The following TFAM variants were observed in gnomAD, a reference collection of about 807,000 sequenced individuals.
TFAM encodes the protein transcription factor A, mitochondrial, also known as mitochondrial transcription factor 1.
TFAM carries 13 observed loss-of-function variants against 30.6 expected under a neutral mutation model. The observed-to-expected ratio is 0.42, with a 90% CI of 0.28 to 0.67. The LOEUF (loss-of-function observed/expected upper bound fraction) is 0.67. Ranked by LOEUF, TFAM falls within the 30% of genes least tolerant of loss-of-function variation. The pLI is 0.21. For missense variants in TFAM, 231 were observed against 293.7 expected, an observed-to-expected ratio of 0.79 and a Z score of 1.56; for synonymous variants, 106 against 94.8, an observed-to-expected ratio of 1.12 and a Z score of -0.69.
Position 58,395,080 on chromosome 10 carries a change from G to T in TFAM, c.*6G>T. On this transcript the variant is annotated 3_prime_UTR_variant, in exon 7 of 7. Coordinates refer to ENST00000487519, the MANE Select transcript of TFAM (RefSeq NM_003201.3). Reference sequence around the variant, plus strand: ...ATGGTGCTGAGGAGTGTTAAAAGTAGAAGATTGAGATGTGTTCACAATGGA... The same window carrying T: ...ATGGTGCTGAGGAGTGTTAAAAGTATAAGATTGAGATGTGTTCACAATGGA... 3.1e-6 allele frequency: 5 copies of T among 1,613,026 alleles called. No individual in the cohort carries two copies. Among genetic ancestry groups the T allele is most frequent in the Non-Finnish European group, 4.2e-6 (5 of 1,179,292 alleles).
Position 58,398,468 on chromosome 10 carries a change from T to C in TFAM, c.*3394T>C, listed in dbSNP as rs1741018965. Reference sequence around the variant, plus strand: ...TTTCTGATGTTTGCTTAAATAATACTGTGTACGTATTCAGCTTGCTGTAAT... The same window carrying C: ...TTTCTGATGTTTGCTTAAATAATACCGTGTACGTATTCAGCTTGCTGTAAT... On this transcript the variant is annotated 3_prime_UTR_variant, in exon 7 of 7. Coordinates refer to ENST00000487519, the MANE Select transcript of TFAM (RefSeq NM_003201.3). 1 of 152,224 alleles carries C rather than the reference T, an allele frequency of 6.6e-6. No individual in the cohort carries two copies. The highest frequency in any genetic ancestry group is 2.1e-4 in the South Asian group (1 of 4,838). 9.4% of individuals were successfully genotyped at this position (152,224 alleles called of 1,614,324 possible). A position where few individuals can be genotyped will look rare whatever the true frequency, so the allele number is the denominator to read the frequency against.
rs1419132681 is a variant in TFAM, at chr10:58,396,275, T to C, written c.*1201T>C. ...ATTTATCAACCCATGGTCTATAGTA[T>C]AGTGTGATATGACTACTGTTCCAAT... On this transcript the variant is annotated 3_prime_UTR_variant, in exon 7 of 7. Transcript: ENST00000487519. The C allele has an allele frequency of 1.3e-5, 2 of 152,216 alleles. No individual in the cohort carries two copies. The highest frequency in any genetic ancestry group is 2.4e-5 in the African/African-American group (1 of 41,452). 9.4% of individuals were successfully genotyped at this position (152,216 alleles called of 1,614,324 possible). A position where few individuals can be genotyped will look rare whatever the true frequency, so the allele number is the denominator to read the frequency against.
chr10:58,392,452 T>TA (rs71033609), intron 5 of TFAM, among the ~76,000 whole-genome samples: 151,872 of 151,886 alleles, frequency 1, 75,929 homozygotes, highest in Middle Eastern at 1. Context: ...AGCTGGTCCT[T>TA]ATTTTCTTAT....
Position 58,395,659 on chromosome 10 carries a change from A to G in TFAM, c.*585A>G, listed in dbSNP as rs1840669273. The G allele has an allele frequency of 3.5e-6, 1 of 282,604 alleles. No homozygotes were observed. The highest frequency in any genetic ancestry group is 6.5e-6 in the Non-Finnish European group (1 of 154,394). 17.5% of individuals were successfully genotyped at this position (282,604 alleles called of 1,614,324 possible). Reference sequence around the variant, plus strand: ...ACTTTTTTCTTACTGTCTTTTTTCTAAAGTAAAAACAAAGAAATTATGTGC... The same window carrying G: ...ACTTTTTTCTTACTGTCTTTTTTCTGAAGTAAAAACAAAGAAATTATGTGC... On this transcript the variant is annotated 3_prime_UTR_variant, in exon 7 of 7. Transcript: ENST00000487519.
In TFAM at chr10:58,395,681, G is replaced by A; in HGVS notation, c.*607G>A. On this transcript the variant is annotated 3_prime_UTR_variant, in exon 7 of 7. Coordinates refer to ENST00000487519, the MANE Select transcript of TFAM (RefSeq NM_003201.3). ...TCTAAAGTAAAAACAAAGAAATTATGTGCCAGATTTATGCATATTATTTTA... is the reference window on the plus strand; with the variant it reads ...TCTAAAGTAAAAACAAAGAAATTATATGCCAGATTTATGCATATTATTTTA... The A allele has an allele frequency of 3.4e-6, 1 of 296,612 alleles. No homozygotes were observed. The highest frequency in any genetic ancestry group is 4.8e-5 in the East Asian group (1 of 20,652). 18.4% of individuals were successfully genotyped at this position (296,612 alleles called of 1,614,324 possible).
Position 58,388,170 on chromosome 10 carries a change from CT to C in TFAM, c.221-15del, listed in dbSNP as rs751981066. 2.5e-6 allele frequency: 4 copies of C among 1,606,996 alleles called. No individual in the cohort carries two copies. The African/African-American group carries it at 5.4e-5, about 22-fold the overall frequency. ...GAGGTAAAATTGTGGCATCTTTTTT[CT>C]TTTTATTTCATTCCATAGATGCAAA... On this transcript the variant is annotated intron_variant, in intron 2 of 6. Transcript: ENST00000487519.
Position 58,385,547 on chromosome 10 carries a change from G to A in TFAM, c.-1G>A. On this transcript the variant is annotated 5_prime_UTR_variant, in exon 1 of 7. Transcript: ENST00000487519. ...GGGTCACTGCCTCATCCACCGGAGCGATGGCGTTTCTCCGAAGCATGTGGG... is the reference window on the plus strand; with the variant it reads ...GGGTCACTGCCTCATCCACCGGAGCAATGGCGTTTCTCCGAAGCATGTGGG... 1 of 1,561,168 alleles carries A rather than the reference G, an allele frequency of 6.4e-7. No individual in the cohort carries two copies. The highest frequency in any genetic ancestry group is 8.7e-7 in the Non-Finnish European group (1 of 1,151,994).
At position 58,398,138 on chromosome 10, in the gene TFAM, G is replaced by T. The variant is rs1840722988; in HGVS notation, c.*3064G>T. On this transcript the variant is annotated 3_prime_UTR_variant, in exon 7 of 7. Coordinates refer to ENST00000487519, the MANE Select transcript of TFAM (RefSeq NM_003201.3). The stretch of plus-strand genomic sequence containing the variant: ...TGCAGTGATGTGATCATGGCTCACT[G>T]CAGCCTTGAACTCCCAGGCTTAAGA... 1 of 152,324 alleles carries T rather than the reference G, an allele frequency of 6.6e-6. No individual in the cohort carries two copies. Among genetic ancestry groups the T allele is most frequent in the African/African-American group, 2.4e-5 (1 of 41,414 alleles). The allele number at this position is 152,324 out of a possible 1,614,324, so 9.4% of individuals were successfully genotyped here.
At chr10:58,391,168 A>G (rs1048402931) in intron 5 of TFAM, among the ~76,000 whole-genome samples, 5 of 152,124 alleles carry the variant, frequency 3.3e-5, no homozygotes, top group Admixed American at 3.3e-4. Context: ...CTGTTTTACG[A>G]TCACTAGAAA....
chr10:58,397,566 C>T lies in TFAM; in HGVS notation c.*2492C>T, dbSNP rs147047151. ...TTAAATAATAGGATAACCTGGTTTCCAAGCCTTTTTTTCCCCCGACATCCA... is the reference window on the plus strand; with the variant it reads ...TTAAATAATAGGATAACCTGGTTTCTAAGCCTTTTTTTCCCCCGACATCCA... On this transcript the variant is annotated 3_prime_UTR_variant, in exon 7 of 7. Transcript: ENST00000487519. 2.6e-5 allele frequency: 4 copies of T among 152,026 alleles called. No individual in the cohort carries two copies. The highest frequency in any genetic ancestry group is 2.6e-4 in the Admixed American group (4 of 15,270). The allele number at this position is 152,026 out of a possible 1,614,324, so 9.4% of individuals were successfully genotyped here.
chr10:58,394,459 T>G (rs769779458), intron 6 of TFAM, 45 bp downstream of exon 6: 1 of 1,487,754 alleles, frequency 6.7e-7, no homozygotes. Context: ...TTAGGATATC[T>G]GTGAGAGAAT....
chr10:58,397,624 A>G lies in TFAM; in HGVS notation c.*2550A>G, dbSNP rs1202294582. 1.3e-5 allele frequency: 2 copies of G among 152,136 alleles called. No individual in the cohort carries two copies. The highest frequency in any genetic ancestry group is 2.9e-5 in the Non-Finnish European group (2 of 68,024). The allele number at this position is 152,136 out of a possible 1,614,324, so 9.4% of individuals were successfully genotyped here. On this transcript the variant is annotated 3_prime_UTR_variant, in exon 7 of 7. Coordinates refer to ENST00000487519, the MANE Select transcript of TFAM (RefSeq NM_003201.3). ...CACTGGATCCAAGCCTTTCTTAAAC[A>G]TCAGTACATGTGGAAGACTGGCATG... is the stretch of plus-strand genomic sequence containing the variant.
intron 6 of TFAM, 151 bp downstream of exon 6, chr10:58,394,565 G>T (rs759375450): frequency 7.2e-6 from 6 of 832,278 alleles, no homozygotes; most frequent in East Asian, 2.7e-5. Context: ...AACCAGTTTG[G>T]CATTTTTCTC....
At chr10:58,388,603 C>T in intron 3 of TFAM, 67 bp from the exon 4 acceptor site, 1 of 1,571,236 alleles carries the variant, frequency 6.4e-7, no homozygotes, top group Non-Finnish European at 8.7e-7. Flanking sequence ...GTTGCCTTTC[C>T]CTGGCATGTG....
chr10:58,388,187 T>C lies in TFAM; in HGVS notation c.221-3T>C, dbSNP rs769415072. The C allele has an allele frequency of 3.1e-6, 5 of 1,613,070 alleles. No individual in the cohort carries two copies. The highest frequency in any genetic ancestry group is 2.2e-5 in the East Asian group (1 of 44,850). ...TCTTTTTTCTTTTTATTTCATTCCA[T>C]AGATGCAAAAACTACAGAACTAATT... is the stretch of plus-strand genomic sequence containing the variant. On this transcript the variant is annotated splice_region_variant and splice_polypyrimidine_tract_variant and intron_variant, in intron 2 of 6. Transcript: ENST00000487519.
chr10:58,386,488 C>T (rs370057871), intron 2 of TFAM, 150 bp downstream of exon 2: 1 of 788,462 alleles, frequency 1.3e-6, no homozygotes, highest in East Asian at 2.6e-5. Context: ...CTATTTTATA[C>T]CAAATGGAAA....
At position 58,398,561 on chromosome 10, in the gene TFAM, G is replaced by A. The variant is rs897035915; in HGVS notation, c.*3487G>A. The A allele has an allele frequency of 6.6e-6, 1 of 151,934 alleles. No homozygotes were observed. The highest frequency in any genetic ancestry group is 2.1e-4 in the South Asian group (1 of 4,822). The allele number at this position is 151,934 out of a possible 1,614,324, so 9.4% of individuals were successfully genotyped here. ...ATGTCTTTTTTTTTGTACAAGGCATGTGTTAGTTTTTACTAATTGCTCTGA... is the reference window on the plus strand; with the variant it reads ...ATGTCTTTTTTTTTGTACAAGGCATATGTTAGTTTTTACTAATTGCTCTGA... On this transcript the variant is annotated 3_prime_UTR_variant, in exon 7 of 7. Transcript: ENST00000487519.
chr10:58,397,862 C>G lies in TFAM; in HGVS notation c.*2788C>G, dbSNP rs1210600326. 6.6e-6 allele frequency: 1 copy of G among 150,736 alleles called. No individual in the cohort carries two copies. The highest frequency in any genetic ancestry group is 2.4e-5 in the African/African-American group (1 of 40,944). The allele number at this position is 150,736 out of a possible 1,614,324, so 9.3% of individuals were successfully genotyped here. ...CACTGCAGCCTTGACCTCCTGGGCT[C>G]AAGTGATCCTTCCGAGTCGTTGGGA... On this transcript the variant is annotated 3_prime_UTR_variant, in exon 7 of 7. Transcript: ENST00000487519.
At chr10:58,391,622 A>G (rs767040664) in intron 5 of TFAM, among the ~76,000 whole-genome samples, 1 of 151,690 alleles carries the variant, frequency 6.6e-6, no homozygotes, top group Non-Finnish European at 1.5e-5. Flanking sequence ...AGCATTACCT[A>G]CCACCGTTTA....
Sources: allele counts gnomAD v4.1 joint callset (sites outside exome capture counted in the v4.1 genomes callset), GRCh38; gene constraint gnomAD v4.1.1; transcripts MANE v1.5; gene names NCBI Gene and HGNC (gene_info 2026-07-23, HGNC 2026-07-21).